FAHD1: variants seen among roughly 807,000 people sequenced by gnomAD.
The protein encoded by FAHD1 is FAH domain containing oxaloacetate decarboxylase 1.
FAHD1 carries 14 observed loss-of-function variants against 12.7 expected under a neutral mutation model. The ratio of observed to expected loss-of-function variants is 1.10; its 90% CI spans 0.73 to 1.72. The LOEUF (loss-of-function observed/expected upper bound fraction) is 1.72, where lower values mean the gene tolerates loss of function less well. FAHD1 is among the 40% of genes most tolerant of loss of function. The pLI is 0.00. For synonymous variants in FAHD1, 153 were observed against 124.9 expected (o/e 1.22, Z -1.50); for missense variants, 351 against 298.9 (o/e 1.17, Z -1.29).
At chr16:1,833,230 G>A (rs10468429), downstream of FAHD1, among the ~76,000 whole-genome samples, 27,156 of 152,014 alleles carry the variant, frequency 0.18, 2,592 homozygotes, top group South Asian at 0.27. Flanking sequence ...GGCAGCTGTC[G>A]TCCTCATGTC....
exon 3 of FAHD1, chr16:1,839,521 A>G (rs1898842417): frequency 1.6e-6 from 2 of 1,284,090 alleles, no homozygotes; most frequent in South Asian, 2.9e-5. Context: ...TTGTCACTAA[A>G]AACTCTACGA....
downstream of FAHD1, among the ~76,000 whole-genome samples, chr16:1,831,769 T>A (rs979548468): frequency 2.6e-5 from 4 of 152,190 alleles, no homozygotes; most frequent in African/African-American, 9.6e-5. Flanking sequence ...AGATCAGTGG[T>A]GGCATGAGAT....
intron 1 of FAHD1, chr16:1,834,343 C>T: frequency 3.1e-6 from 5 of 1,610,166 alleles, no homozygotes; most frequent in Non-Finnish European, 4.2e-6. Flanking sequence ...TCAATCCACT[C>T]CTTGCTCTGT....
exon 1 of FAHD1, chr16:1,828,457 C>G (rs11558503): frequency 2.0e-6 from 2 of 1,000,714 alleles, no homozygotes; most frequent in Non-Finnish European, 2.4e-6. Context: ...AAAAGACTTT[C>G]CTTTTGTAAA....
At chr16:1,831,612 A>G (rs536252616), downstream of FAHD1, among the ~76,000 whole-genome samples, 63 of 152,308 alleles carry the variant, frequency 4.1e-4, no homozygotes, top group Admixed American at 8.5e-4. Flanking sequence ...ATTAGAAACA[A>G]TGATGCAAGG....
exon 1 of FAHD1, chr16:1,827,491 G>T: frequency 1.2e-6 from 2 of 1,612,732 alleles, no homozygotes; most frequent in Non-Finnish European, 1.7e-6. Flanking sequence ...AGTCCCCGAG[G>T]CTGCGGCCAT....
At chr16:1,832,463 G>A (rs1298364189), downstream of FAHD1, among the ~76,000 whole-genome samples, 1 of 148,402 alleles carries the variant, frequency 6.7e-6, no homozygotes, top group African/African-American at 2.5e-5. Context: ...GAGCCACCGC[G>A]CCTGGCCTAT....
At chr16:1,828,997 C>A (rs1369861270), downstream of FAHD1, 3 of 861,834 alleles carry the variant, frequency 3.5e-6, no homozygotes, top group Admixed American at 6.2e-5. Context: ...TAGTCTTTGA[C>A]CTTTGGCCTT....
At chr16:1,831,591 G>C (rs1366827856), downstream of FAHD1, among the ~76,000 whole-genome samples, 2 of 152,186 alleles carry the variant, frequency 1.3e-5, no homozygotes, top group East Asian at 3.9e-4. Context: ...ACACTTTTCA[G>C]ATGCTCTGCT....
At chr16:1,830,333 C>A (rs117056772), downstream of FAHD1, among the ~76,000 whole-genome samples, 1 of 152,214 alleles carries the variant, frequency 6.6e-6, no homozygotes, top group Non-Finnish European at 1.5e-5. Flanking sequence ...AGTATCAGCA[C>A]ATGTGCTGTT....
chr16:1,838,058 G>A, exon 2 of FAHD1: 1 of 1,103,996 alleles, frequency 9.1e-7, no homozygotes, highest in Non-Finnish European at 1.3e-6. Flanking sequence ...GTGCAGCAGT[G>A]CTATCACAGC....
intron 1 of FAHD1, chr16:1,834,483 T>C (rs1030606936): frequency 2.5e-5 from 15 of 592,452 alleles, no homozygotes; most frequent in African/African-American, 2.5e-4. Flanking sequence ...TGTTTACAGA[T>C]ACTAATATAA....
At chr16:1,833,800 G>T (rs1211956170), downstream of FAHD1, among the ~76,000 whole-genome samples, 1 of 151,846 alleles carries the variant, frequency 6.6e-6, no homozygotes, top group Non-Finnish European at 1.5e-5. Context: ...TGACTGCCTT[G>T]GCATCCCAAA....
At chr16:1,827,418 G>A (rs1250103389) in exon 1 of FAHD1, 2 of 1,610,108 alleles carry the variant, frequency 1.2e-6, no homozygotes, top group East Asian at 4.5e-5. Flanking sequence ...TCATGCCCGC[G>A]TACACTCGCA....
exon 3 of FAHD1, chr16:1,839,694 G>C: frequency 7.4e-6 from 3 of 403,466 alleles, no homozygotes; most frequent in Non-Finnish European, 1.3e-5. Context: ...CCAAGCCCTC[G>C]AGGTCCATCC....
At chr16:1,839,004 GTTTA>G (rs1255811637) in intron 2 of FAHD1, among the ~76,000 whole-genome samples, 2 of 152,106 alleles carry the variant, frequency 1.3e-5, no homozygotes, top group Non-Finnish European at 2.9e-5. Flanking sequence ...AAAACATCAT[GTTTA>G]TTTATCCATT....
chr16:1,833,203 A>G (rs112928318), downstream of FAHD1, among the ~76,000 whole-genome samples: 127 of 152,272 alleles, frequency 8.3e-4, 1 homozygote, highest in Middle Eastern at 3.4e-3. Flanking sequence ...GGCTGCTGCA[A>G]AGCAAACAGA....
At chr16:1,828,290 A>G (rs1596953335) in exon 1 of FAHD1, 1 of 1,004,526 alleles carries the variant, frequency 1.0e-6, no homozygotes, top group Non-Finnish European at 1.2e-6. Context: ...AAAAAAAAAA[A>G]AAAGAAACCA....
chr16:1,829,609 A>G (rs923133445), downstream of FAHD1, among the ~76,000 whole-genome samples: 12 of 152,220 alleles, frequency 7.9e-5, no homozygotes, highest in African/African-American at 2.7e-4. Flanking sequence ...AGGAAGTGCC[A>G]TAATTGGATT....
Sources: gnomAD v4.1 joint callset for allele counts (sites outside exome capture counted in the v4.1 genomes callset) on GRCh38, gnomAD v4.1.1 for gene constraint, MANE v1.5 for transcripts, NCBI Gene and HGNC (gene_info 2026-07-23, HGNC 2026-07-21) for gene names.